CACNA2D1: variants seen among roughly 807,000 people sequenced by gnomAD.
The protein encoded by CACNA2D1 is voltage-dependent calcium channel subunit alpha-2/delta-1.
CACNA2D1 carries 53 observed loss-of-function variants against 171.5 expected under a neutral mutation model. That is an observed-to-expected ratio of 0.31 (90% confidence interval 0.25 to 0.39). CACNA2D1 has a LOEUF of 0.39. Among genes scored for constraint, CACNA2D1 ranks in the 10% least tolerant of loss-of-function variants. The pLI, the probability that CACNA2D1 is intolerant of heterozygous loss-of-function variation, is 1.00. For missense variants in CACNA2D1, 903 were observed against 1,299.8 expected (o/e 0.69, Z 4.69); for synonymous variants, 442 against 443.1 (o/e 1.00, Z 0.03).
At chr7:82,193,592 T>C (rs1563184076) in intron 3 of CACNA2D1, among the ~76,000 whole-genome samples, 1 of 152,058 alleles carries the variant, frequency 6.6e-6, no homozygotes, top group Admixed American at 6.6e-5. Context: ...TGGAAATGCA[T>C]ACTATATTGA....
chr7:82,154,768 C>T (rs7803334), intron 4 of CACNA2D1, among the ~76,000 whole-genome samples: 86,535 of 151,826 alleles, frequency 0.57, 26,437 homozygotes, highest in Non-Finnish European at 0.68. Flanking sequence ...ACTAGTTGGT[C>T]TTTGTAGAGT....
chr7:82,213,251 C>CTA, intron 3 of CACNA2D1, among the ~76,000 whole-genome samples: 1 of 152,160 alleles, frequency 6.6e-6, no homozygotes, highest in Middle Eastern at 3.4e-3. Context: ...AAAAAGACAA[C>CTA]TATATAATAT....
At chr7:82,060,181 A>ATATATATAATATATATAT (rs1806547513) in intron 10 of CACNA2D1, among the ~76,000 whole-genome samples, 4 of 21,870 alleles carry the variant, frequency 1.8e-4, no homozygotes, top group African/African-American at 7.0e-4. Context: ...TATATATAAT[A>ATATATATAATATATATAT]TATATATATT....
intron 20 of CACNA2D1, among the ~76,000 whole-genome samples, chr7:81,993,908 T>C (rs1418421622): frequency 6.6e-6 from 1 of 152,048 alleles, no homozygotes; most frequent in Non-Finnish European, 1.5e-5. Context: ...TGTGCAAAAG[T>C]CTAAGCAAAT....
intron 4 of CACNA2D1, among the ~76,000 whole-genome samples, chr7:82,157,184 G>A (rs560800191): frequency 6.6e-6 from 1 of 152,148 alleles, no homozygotes; most frequent in South Asian, 2.1e-4. Context: ...ACAGAGCATG[G>A]CTCAAGATAA....
chr7:82,053,176 T>C (rs894954642), intron 10 of CACNA2D1, among the ~76,000 whole-genome samples: 6 of 139,378 alleles, frequency 4.3e-5, no homozygotes, highest in East Asian at 2.2e-4. Flanking sequence ...GGCGTGAACC[T>C]GGGAGGCGGA....
intron 1 of CACNA2D1, among the ~76,000 whole-genome samples, chr7:82,404,532 A>G (rs1826806715): frequency 6.6e-6 from 1 of 152,206 alleles, no homozygotes; most frequent in African/African-American, 2.4e-5. Context: ...AGAAGGGGTC[A>G]AGGTTGAAAT....
At chr7:82,056,232 A>G (rs7794626) in intron 10 of CACNA2D1, among the ~76,000 whole-genome samples, 2,744 of 152,164 alleles carry the variant, frequency 0.018, 88 homozygotes, top group African/African-American at 0.061. Flanking sequence ...TAAGTAACCT[A>G]CAATTAGAAA....
intron 7 of CACNA2D1, among the ~76,000 whole-genome samples, chr7:82,083,211 AGACTT>A (rs1452045278): frequency 2.0e-5 from 3 of 152,072 alleles, no homozygotes; most frequent in Non-Finnish European, 4.4e-5. Context: ...ATATATGAAA[AGACTT>A]GAAAGCTACA....
intron 2 of CACNA2D1, among the ~76,000 whole-genome samples, chr7:82,337,196 G>A (rs1818099994): frequency 6.6e-6 from 1 of 151,980 alleles, no homozygotes; most frequent in African/African-American, 2.4e-5. Flanking sequence ...AATAAATTAA[G>A]TCAAGAAGTT....
At chr7:82,438,006 GTTTC>G (rs536962321) in intron 1 of CACNA2D1, among the ~76,000 whole-genome samples, 4 of 152,092 alleles carry the variant, frequency 2.6e-5, no homozygotes, top group South Asian at 2.1e-4. Flanking sequence ...AAATGGTATA[GTTTC>G]TTTCTCACAC....
At chr7:82,058,724 G>T (rs1299964242) in intron 10 of CACNA2D1, among the ~76,000 whole-genome samples, 1 of 152,100 alleles carries the variant, frequency 6.6e-6, no homozygotes, top group Non-Finnish European at 1.5e-5. Flanking sequence ...GTAGATAGAG[G>T]CCTCACACGG....
chr7:82,320,700 C>T (rs1815701498), intron 3 of CACNA2D1, among the ~76,000 whole-genome samples: 1 of 151,638 alleles, frequency 6.6e-6, no homozygotes, highest in South Asian at 2.1e-4. Context: ...CAGGAGTGAG[C>T]CACCACCTGA....
intron 1 of CACNA2D1, among the ~76,000 whole-genome samples, chr7:82,385,978 T>C (rs1006861368): frequency 1.3e-5 from 2 of 152,314 alleles, no homozygotes; most frequent in African/African-American, 2.4e-5. Context: ...TTTTATTATA[T>C]AATATGAGCT....
At chr7:82,154,104 A>T (rs114479700) in intron 4 of CACNA2D1, among the ~76,000 whole-genome samples, 26 of 152,302 alleles carry the variant, frequency 1.7e-4, no homozygotes, top group African/African-American at 6.0e-4. Context: ...GCTTATAACC[A>T]AAGCCTGTAG....
At chr7:81,990,788 T>C (rs1407038724) in intron 21 of CACNA2D1, among the ~76,000 whole-genome samples, 1 of 152,114 alleles carries the variant, frequency 6.6e-6, no homozygotes, top group Admixed American at 6.6e-5. Flanking sequence ...TGGAGGTAAA[T>C]TATATCAACT....
intron 3 of CACNA2D1, among the ~76,000 whole-genome samples, chr7:82,298,364 T>C (rs1812562351): frequency 6.6e-6 from 1 of 152,200 alleles, no homozygotes; most frequent in African/African-American, 2.4e-5. Flanking sequence ...TCCACTGTCT[T>C]CTTTCTTCTT....
rs76150999 is a variant in CACNA2D1 at position 82,272,458 on chromosome 7, C to T, written c.294+62677G>A. Among the ~76,000 whole-genome samples the T allele has an allele frequency of 5.5e-3, 832 of 152,240 alleles. 22 individuals carry two copies. The East Asian group carries it at 0.09, about 16-fold the overall frequency. ...ACAGCAACTCACTTCTCACAAATAGCATAAAGTAGAAAGGATAGCACGCAA... is the reference window on the plus strand; with the variant it reads ...ACAGCAACTCACTTCTCACAAATAGTATAAAGTAGAAAGGATAGCACGCAA... On this transcript the variant is annotated intron_variant, in intron 3 of 38. Coordinates refer to ENST00000356860, the MANE Select transcript of CACNA2D1 (RefSeq NM_000722.4).
intron 3 of CACNA2D1, among the ~76,000 whole-genome samples, chr7:82,248,724 A>C (rs1032173759): frequency 6.6e-6 from 1 of 152,162 alleles, no homozygotes; most frequent in Non-Finnish European, 1.5e-5. Context: ...AAATCCTGCT[A>C]TAGTACCATT....
Sources: allele counts gnomAD v4.1 joint callset (sites outside exome capture counted in the v4.1 genomes callset), GRCh38; gene constraint gnomAD v4.1.1; transcripts MANE v1.5; gene names NCBI Gene and HGNC (gene_info 2026-07-23, HGNC 2026-07-21).